The following TMEM185B variants were observed in gnomAD, a reference collection of about 807,000 sequenced individuals.
The protein encoded by TMEM185B is transmembrane protein 185B.
Under a neutral mutation model 26.2 loss-of-function variants are expected in TMEM185B, and 9 were observed. The ratio of observed to expected loss-of-function variants is 0.34; its 90% CI spans 0.21 to 0.60. The LOEUF is 0.60. Ranked by LOEUF, TMEM185B falls within the 20% of genes least tolerant of loss-of-function variation. The pLI is 0.80. For missense variants in TMEM185B, 392 were observed against 447.9 expected (o/e 0.88, Z 1.13); for synonymous variants, 204 against 191.8 (o/e 1.06, Z -0.52).
At position 120,219,212 on chromosome 2, in the gene TMEM185B, A is replaced by G. The variant is rs1688545755; in HGVS notation, c.*2712T>C. ...ATTTCTGATGCTGTTTTGCAGCAAA[A>G]GCTGACTGATACATCACAGGAGAAA... On this transcript the variant is annotated 3_prime_UTR_variant, in exon 1 of 1. Coordinates refer to ENST00000426077, the MANE Select transcript of TMEM185B (RefSeq NM_024121.3). Among the ~76,000 whole-genome samples the G allele has an allele frequency of 6.6e-6, 1 of 152,214 alleles. No homozygotes were observed. The highest frequency in any genetic ancestry group is 1.5e-5 in the Non-Finnish European group (1 of 68,050).
chr2:120,222,885 C>T lies in TMEM185B; in HGVS notation c.92G>A (p.Arg31His). ...GCTCCATTGGATGATGCCGTCCAGGCGGAGGGGCAGCAGCACCGAGAAGAG... is the reference window on the plus strand; with the variant it reads ...GCTCCATTGGATGATGCCGTCCAGGTGGAGGGGCAGCAGCACCGAGAAGAG... ...LLLFSVLLPL[R>H]LDGIIQWSYW... Residue 31 changes from arginine (R) to histidine (H), a missense_variant, in exon 1 of 1, where the codon CGC (arginine) becomes CAC (histidine). Arg to His is a conservative substitution (Grantham distance 29, BLOSUM62 0). Transcript: ENST00000426077. The T allele has an allele frequency of 6.8e-7, 1 of 1,461,948 alleles. No individual in the cohort carries two copies. The highest frequency in any genetic ancestry group is 1.4e-5 in the South Asian group (1 of 71,114). The allele number at this position is 1,461,948 out of a possible 1,614,324, so 90.6% of individuals were successfully genotyped here. A position where few individuals can be genotyped will look rare whatever the true frequency, so the allele number is the denominator to read the frequency against.
At position 120,221,892 on chromosome 2, in the gene TMEM185B, A is replaced by T; in HGVS notation, c.*32T>A. On this transcript the variant is annotated 3_prime_UTR_variant, in exon 1 of 1. Coordinates refer to ENST00000426077, the MANE Select transcript of TMEM185B (RefSeq NM_024121.3). ...TGAACAAGAGGCGAAGGCCAAGTGG[A>T]GTCTGTGTGTGCCTGGGTCCTCTCT... 6.9e-7 allele frequency: 1 copy of T among 1,457,978 alleles called. No individual in the cohort carries two copies. The highest frequency in any genetic ancestry group is 1.4e-5 in the South Asian group (1 of 73,220). 90.3% of individuals were successfully genotyped at this position (1,457,978 alleles called of 1,614,324 possible). A position where few individuals can be genotyped will look rare whatever the true frequency, so the allele number is the denominator to read the frequency against.
In TMEM185B at chr2:120,217,964, A is replaced by G. The variant is rs760142687; in HGVS notation, c.*3960T>C. ...ATAAACCACTGTCTTTTTGTGAGGC[A>G]TGGTTGTGTTATGTCAGGTGGGAGC... On this transcript the variant is annotated 3_prime_UTR_variant, in exon 1 of 1. Transcript: ENST00000426077. 2.0e-5 allele frequency among the ~76,000 whole-genome samples: 3 copies of G among 152,166 alleles called. No homozygotes were observed. The highest frequency in any genetic ancestry group is 1.5e-5 in the Non-Finnish European group (1 of 68,020).
chr2:120,222,956 G>A lies in TMEM185B; in HGVS notation c.21C>T (p.Phe7=), dbSNP rs868599976. The change falls in exon 1 of 1, where the codon TTC becomes TTT. Residue 7 remains phenylalanine (F), a synonymous_variant. Coordinates refer to ENST00000426077, the MANE Select transcript of TMEM185B (RefSeq NM_024121.3). MNPRGL[F]QDFNPSKFLI... is the part of the protein sequence containing the mutation. ...GAAACTTACTGGGGTTGAAGTCCTG[G>A]AACAGGCCCCTGGGGTTCATGGCGG... The A allele has an allele frequency of 2.1e-6, 3 of 1,441,390 alleles. No individual in the cohort carries two copies. Among genetic ancestry groups the A allele is most frequent in the African/African-American group, 1.4e-5 (1 of 69,912 alleles). The allele number at this position is 1,441,390 out of a possible 1,614,324, so 89.3% of individuals were successfully genotyped here. A position where few individuals can be genotyped will look rare whatever the true frequency, so the allele number is the denominator to read the frequency against.
Position 120,220,032 on chromosome 2 carries a change from T to G in TMEM185B, c.*1892A>C, listed in dbSNP as rs76566709. On this transcript the variant is annotated 3_prime_UTR_variant, in exon 1 of 1. Transcript: ENST00000426077. ...TGTGAGAGAGACAGAGCGAGCTCCCTCAGACAGCGAGCTCAATCCCAGCCA... is the reference window on the plus strand; with the variant it reads ...TGTGAGAGAGACAGAGCGAGCTCCCGCAGACAGCGAGCTCAATCCCAGCCA... 0.072 allele frequency among the ~76,000 whole-genome samples: 10,968 copies of G among 152,344 alleles called. 537 individuals are homozygous for G. The highest frequency in any genetic ancestry group is 0.11 in the Non-Finnish European group (7,501 of 68,026).
rs1688527002 is a variant in TMEM185B at position 120,217,795 on chromosome 2, T to G, written c.*4129A>C. Among the ~76,000 whole-genome samples, 2 of 152,330 alleles carry G rather than the reference T, an allele frequency of 1.3e-5. No homozygotes were observed. Among genetic ancestry groups the G allele is most frequent in the Non-Finnish European group, 2.9e-5 (2 of 68,036 alleles). On this transcript the variant is annotated 3_prime_UTR_variant, in exon 1 of 1. Transcript: ENST00000426077. ...CGAGGGCATGGTGTGGCAGCCGACT[T>G]TAACCCATACATTCTAGAACAGAGA...
rs1353652282 is a variant in TMEM185B, at chr2:120,221,703, G to GA, written c.*220dup. ...CGACTTACTGCCCCCAGCTACACCT[G>GA]AAAGTGCGAACCTGGAAAGCAAGTC... On this transcript the variant is annotated 3_prime_UTR_variant, in exon 1 of 1. Coordinates refer to ENST00000426077, the MANE Select transcript of TMEM185B (RefSeq NM_024121.3). 3.1e-5 allele frequency: 17 copies of GA among 547,406 alleles called. No individual in the cohort carries two copies. The East Asian group carries it at 3.9e-4, about 12-fold the overall frequency. 33.9% of individuals were successfully genotyped at this position (547,406 alleles called of 1,614,324 possible).
chr2:120,219,102 G>A lies in TMEM185B; in HGVS notation c.*2822C>T, dbSNP rs368869869. Among the ~76,000 whole-genome samples, 11 of 152,228 alleles carry A rather than the reference G, an allele frequency of 7.2e-5. No individual in the cohort carries two copies. The highest frequency in any genetic ancestry group is 6.2e-4 in the South Asian group (3 of 4,830). On this transcript the variant is annotated 3_prime_UTR_variant, in exon 1 of 1. Transcript: ENST00000426077. ...ATACGGGACATGTTGTGGAGCAGAC[G>A]TGATCAGACCCCCAGCCTGGAGCAT...
Position 120,221,910 on chromosome 2 carries a change from T to A in TMEM185B, c.*14A>T. Reference sequence around the variant, plus strand: ...CAAGTGGAGTCTGTGTGTGCCTGGGTCCTCTCTAGGAGTTTAATCTGGCAT... The same window carrying A: ...CAAGTGGAGTCTGTGTGTGCCTGGGACCTCTCTAGGAGTTTAATCTGGCAT... On this transcript the variant is annotated 3_prime_UTR_variant, in exon 1 of 1. Coordinates refer to ENST00000426077, the MANE Select transcript of TMEM185B (RefSeq NM_024121.3). 6.7e-7 allele frequency: 1 copy of A among 1,503,542 alleles called. No individual in the cohort carries two copies. The highest frequency in any genetic ancestry group is 1.4e-5 in the African/African-American group (1 of 71,730). 93.1% of individuals were successfully genotyped at this position (1,503,542 alleles called of 1,614,324 possible). A position where few individuals can be genotyped will look rare whatever the true frequency, so the allele number is the denominator to read the frequency against.
rs1558937150 is a variant in TMEM185B at position 120,222,378 on chromosome 2, A to T, written c.599T>A (p.Leu200Gln). The part of the protein sequence containing the change: ...IVWSLLFLRS[L>Q]DVVAEQRRTH... ...TCTCCGCTGCTCGGCAACCACATCC[A>T]GGGACCGCAGGAACAGGAGGGACCA... The change falls in exon 1 of 1, where the codon CTG becomes CAG. Residue 200 changes from leucine (L) to glutamine (Q), a missense_variant. Around this residue, in one of 3 missense-constraint regions of TMEM185B, gnomAD observed 176 missense variants for 201.6 expected, o/e 0.87. Transcript: ENST00000426077. The T allele has an allele frequency of 6.5e-7, 1 of 1,536,224 alleles. No homozygotes were observed. The highest frequency in any genetic ancestry group is 1.4e-5 in the African/African-American group (1 of 73,164).
Position 120,223,016 on chromosome 2 carries a change from G to GCGACGCT in TMEM185B, c.-47_-41dup. 7.5e-7 allele frequency: 1 copy of GCGACGCT among 1,331,300 alleles called. No individual in the cohort carries two copies. The highest frequency in any genetic ancestry group is 9.6e-7 in the Non-Finnish European group (1 of 1,038,572). The allele number at this position is 1,331,300 out of a possible 1,614,324, so 82.5% of individuals were successfully genotyped here. On this transcript the variant is annotated 5_prime_UTR_variant, in exon 1 of 1. Coordinates refer to ENST00000426077, the MANE Select transcript of TMEM185B (RefSeq NM_024121.3). ...CTTGCCTGCCCGGGCCTGCTCCCTCGCGACGCTCGGCGCTCGCGTCTCCGC... is the reference window on the plus strand; with the variant it reads ...CTTGCCTGCCCGGGCCTGCTCCCTCGCGACGCTCGACGCTCGGCGCTCGCGTCTCCGC...
In TMEM185B at chr2:120,222,811, C is replaced by T; in HGVS notation, c.166G>A (p.Ala56Thr). The change falls in exon 1 of 1, where the codon GCA becomes ACA. Residue 56 changes from alanine to threonine, a missense_variant. Physicochemically the swap from Ala to Thr is moderately conservative, Grantham distance 58. Coordinates refer to ENST00000426077, the MANE Select transcript of TMEM185B (RefSeq NM_024121.3). ...PIWLWKLLVV[A>T]GASVGAGVWA... is the part of the protein sequence containing the mutation. ...ACGCCCGCGCCCACGGAGGCGCCTGCGACGACTAGAAGCTTCCACAGCCAT... is the reference window on the plus strand; with the variant it reads ...ACGCCCGCGCCCACGGAGGCGCCTGTGACGACTAGAAGCTTCCACAGCCAT... 1.3e-6 allele frequency: 2 copies of T among 1,527,688 alleles called. No individual in the cohort carries two copies. The highest frequency in any genetic ancestry group is 1.7e-6 in the Non-Finnish European group (2 of 1,143,060). 94.6% of individuals were successfully genotyped at this position (1,527,688 alleles called of 1,614,324 possible).
In TMEM185B at chr2:120,222,876, C is replaced by A; in HGVS notation, c.101G>T (p.Gly34Val). ...FSVLLPLRLD[G>V]IIQWSYWAVF... ...GGCCCAGTAGCTCCATTGGATGATG[C>A]CGTCCAGGCGGAGGGGCAGCAGCAC... The change falls in exon 1 of 1, where the codon GGC becomes GTC. Residue 34 changes from glycine (G) to valine (V), a missense_variant. Physicochemically the swap from Gly to Val is moderately radical, Grantham distance 109 (BLOSUM62 -3). Around this residue, in one of 3 missense-constraint regions of TMEM185B, gnomAD observed 175 missense variants for 169.1 expected, o/e 1.03. Transcript: ENST00000426077. 6.8e-7 allele frequency: 1 copy of A among 1,470,068 alleles called. No individual in the cohort carries two copies. The highest frequency in any genetic ancestry group is 1.4e-5 in the South Asian group (1 of 72,346). The allele number at this position is 1,470,068 out of a possible 1,614,324, so 91.1% of individuals were successfully genotyped here.
At position 120,221,487 on chromosome 2, in the gene TMEM185B, T is replaced by C. The variant is rs1211186328; in HGVS notation, c.*437A>G. 1 of 158,792 alleles carries C rather than the reference T, an allele frequency of 6.3e-6. No individual in the cohort carries two copies. The highest frequency in any genetic ancestry group is 1.4e-5 in the Non-Finnish European group (1 of 72,438). The allele number at this position is 158,792 out of a possible 1,614,324, so 9.8% of individuals were successfully genotyped here. On this transcript the variant is annotated 3_prime_UTR_variant, in exon 1 of 1. Transcript: ENST00000426077. Reference sequence around the variant, plus strand: ...GTAGGAACACTAAAAATATCAACTATGAGGTTTATAAACAAGTGGTGGGAA... The same window carrying C: ...GTAGGAACACTAAAAATATCAACTACGAGGTTTATAAACAAGTGGTGGGAA...
Position 120,223,186 on chromosome 2 carries a change from C to A in TMEM185B, c.-210G>T. On this transcript the variant is annotated 5_prime_UTR_variant, in exon 1 of 1. Coordinates refer to ENST00000426077, the MANE Select transcript of TMEM185B (RefSeq NM_024121.3). ...CGGTCACGTGGCCCGGCCGGAAGCG[C>A]GCTGGGGTGTGGCGCGCGCGGGCAC... 2.7e-6 allele frequency: 1 copy of A among 367,266 alleles called. No homozygotes were observed. Among genetic ancestry groups the A allele is most frequent in the Non-Finnish European group, 4.8e-6 (1 of 209,700 alleles). The allele number at this position is 367,266 out of a possible 1,614,324, so 22.8% of individuals were successfully genotyped here.
At position 120,219,249 on chromosome 2, in the gene TMEM185B, TC is replaced by T. The variant is rs1462389910; in HGVS notation, c.*2674del. 6.6e-6 allele frequency among the ~76,000 whole-genome samples: 1 copy of T among 152,208 alleles called. No individual in the cohort carries two copies. Among genetic ancestry groups the T allele is most frequent in the Non-Finnish European group, 1.5e-5 (1 of 68,038 alleles). ...CATCACAGGAGAAATAGTTACAGAA[TC>T]TGACACATGCTGAATGCTGGATAAT... On this transcript the variant is annotated 3_prime_UTR_variant, in exon 1 of 1. Transcript: ENST00000426077.
At position 120,220,384 on chromosome 2, in the gene TMEM185B, T is replaced by C. The variant is rs1688567828; in HGVS notation, c.*1540A>G. Among the ~76,000 whole-genome samples, 1 of 152,254 alleles carries C rather than the reference T, an allele frequency of 6.6e-6. No homozygotes were observed. The highest frequency in any genetic ancestry group is 6.5e-5 in the Admixed American group (1 of 15,286). On this transcript the variant is annotated 3_prime_UTR_variant, in exon 1 of 1. Coordinates refer to ENST00000426077, the MANE Select transcript of TMEM185B (RefSeq NM_024121.3). ...ATTTATTTGTTCTCAAACATTACTC[T>C]TGCAGGATCCAGCTTCTGCCCTGAT...
rs933682779 is a variant in TMEM185B, at chr2:120,223,189, T to C, written c.-213A>G. On this transcript the variant is annotated 5_prime_UTR_variant, in exon 1 of 1. Transcript: ENST00000426077. ...TCACGTGGCCCGGCCGGAAGCGCGC[T>C]GGGGTGTGGCGCGCGCGGGCACGGG... is the stretch of plus-strand genomic sequence containing the variant. The C allele has an allele frequency of 1.4e-5, 5 of 359,066 alleles. No homozygotes were observed. The highest frequency in any genetic ancestry group is 4.8e-5 in the Admixed American group (1 of 20,950). 22.2% of individuals were successfully genotyped at this position (359,066 alleles called of 1,614,324 possible). A position where few individuals can be genotyped will look rare whatever the true frequency, so the allele number is the denominator to read the frequency against.
rs1205389894 is a variant in TMEM185B at position 120,220,770 on chromosome 2, A to T, written c.*1154T>A. 6.6e-6 allele frequency among the ~76,000 whole-genome samples: 1 copy of T among 152,140 alleles called. No individual in the cohort carries two copies. The highest frequency in any genetic ancestry group is 1.5e-5 in the Non-Finnish European group (1 of 68,020). On this transcript the variant is annotated 3_prime_UTR_variant, in exon 1 of 1. Coordinates refer to ENST00000426077, the MANE Select transcript of TMEM185B (RefSeq NM_024121.3). Reference sequence around the variant, plus strand: ...CAAAACAAACAAACAAAAAAACAAAAGAAAAGAAAAAAGAAACACTGTTCT... The same window carrying T: ...CAAAACAAACAAACAAAAAAACAAATGAAAAGAAAAAAGAAACACTGTTCT...
Sources: allele counts gnomAD v4.1 joint callset (sites outside exome capture counted in the v4.1 genomes callset), GRCh38; gene constraint gnomAD v4.1.1; regional missense constraint gnomAD v4.1.1; transcripts MANE v1.5; gene names NCBI Gene and HGNC (gene_info 2026-07-23, HGNC 2026-07-21).